NEDD1: variants seen among roughly 807,000 people sequenced by gnomAD.
The protein encoded by NEDD1 is NEDD1 gamma-tubulin ring complex targeting factor, also known as protein NEDD1.
Under a neutral mutation model 74.0 loss-of-function variants are expected in NEDD1, and 33 were observed. That is an observed-to-expected ratio of 0.45 (90% CI 0.34 to 0.60). The LOEUF (loss-of-function observed/expected upper bound fraction) is 0.60. Among genes scored for constraint, NEDD1 ranks in the 20% least tolerant of loss-of-function variants. NEDD1 has a pLI of 0.01. For synonymous variants in NEDD1, 250 were observed against 264.4 expected, an observed-to-expected ratio of 0.95 and a Z score of 0.53; for missense variants, 746 against 776.5, an observed-to-expected ratio of 0.96 and a Z score of 0.47.
intron 6 of NEDD1, among the ~76,000 whole-genome samples, chr12:96,932,459 A>ATATATATATATAT (rs1471701288): frequency 1.4e-3 from 17 of 12,062 alleles, no homozygotes; most frequent in South Asian, 7.2e-3. Context: ...AAAAAAAAAA[A>ATATATATATATAT]AAAAATATAT....
In NEDD1 at chr12:96,937,215, C is replaced by T. The variant is rs1439688459; in HGVS notation, c.939C>T (p.Gly313=). 6.3e-7 allele frequency: 1 copy of T among 1,596,082 alleles called. No individual in the cohort carries two copies. The highest frequency in any genetic ancestry group is 8.5e-7 in the Non-Finnish European group (1 of 1,170,540). ...CATTTCAGTCAAGTTTAAATAAAGG[C>T]TGTTCAAATAAGCCCACAACAGTGA... ...TVLTKSSLNK[G]CSNKPTTVNK... The change falls in exon 9 of 16, where the codon GGC becomes GGT. Residue 313 remains glycine, a synonymous_variant. Transcript: ENST00000266742.
In NEDD1 at chr12:96,949,671, T is replaced by A. The variant is rs369353365; in HGVS notation, c.1812-1761T>A. 5.3e-5 allele frequency among the ~76,000 whole-genome samples: 8 copies of A among 152,086 alleles called. No homozygotes were observed. The South Asian group carries it at 1.7e-3, about 32-fold the overall frequency. On this transcript the variant is annotated intron_variant, in intron 14 of 15. Coordinates refer to ENST00000266742, the MANE Select transcript of NEDD1 (RefSeq NM_152905.4). ...ATACACTTAATTATTAAAGTATAATTAAGATATATAGCATGGCACAGGGAT... is the reference window on the plus strand; with the variant it reads ...ATACACTTAATTATTAAAGTATAATAAAGATATATAGCATGGCACAGGGAT...
chr12:96,919,313 G>A (rs1317603112), intron 5 of NEDD1, among the ~76,000 whole-genome samples: 4 of 152,170 alleles, frequency 2.6e-5, no homozygotes, highest in South Asian at 4.1e-4. Flanking sequence ...TAGCAGTTAC[G>A]TGAGCTTGCG....
At position 96,943,620 on chromosome 12, in the gene NEDD1, C is replaced by A; in HGVS notation, c.1355C>A (p.Ser452Ter). 6.2e-7 allele frequency: 1 copy of A among 1,612,760 alleles called. No individual in the cohort carries two copies. Among genetic ancestry groups the A allele is most frequent in the East Asian group, 2.2e-5 (1 of 44,834 alleles). Reference protein sequence around the residue: ...VFPPRKNPVTSSTSVLHSSPL... With the variant: ...VFPPRKNPVT ...CCTCCAAGAAAAAATCCAGTAACTT[C>A]AAGTACTTCAGTATTGCATTCTAGT... is the stretch of plus-strand genomic sequence containing the variant. Residue 452 changes from serine to a stop codon, truncating the protein, a stop_gained, in exon 12 of 16, where the codon TCA becomes TAA. Transcript: ENST00000266742. LOFTEE classifies it high-confidence loss of function.
At chr12:96,925,731 A>G (rs1204952287) in intron 6 of NEDD1, among the ~76,000 whole-genome samples, 3 of 152,222 alleles carry the variant, frequency 2.0e-5, no homozygotes, top group African/African-American at 7.2e-5. Context: ...TGATAACTGC[A>G]CAGGGAACTG....
intron 6 of NEDD1, among the ~76,000 whole-genome samples, chr12:96,930,687 G>A (rs1268312759): frequency 6.6e-6 from 1 of 152,154 alleles, no homozygotes; most frequent in Non-Finnish European, 1.5e-5. Flanking sequence ...CAGAGTGAGT[G>A]AGCCACTCTT....
rs1873464328 is a variant in NEDD1 at position 96,907,641 on chromosome 12, C to T, written c.-224C>T. On this transcript the variant is annotated 5_prime_UTR_variant, in exon 2 of 16. Coordinates refer to ENST00000266742, the MANE Select transcript of NEDD1 (RefSeq NM_152905.4). Reference sequence around the variant, plus strand: ...ATTTTACAGGTTAGCCTCACTTGAGCTGTTGTCCTGCAAGTAAAGTGTATT... The same window carrying T: ...ATTTTACAGGTTAGCCTCACTTGAGTTGTTGTCCTGCAAGTAAAGTGTATT... 6.4e-7 allele frequency: 1 copy of T among 1,550,610 alleles called. No individual in the cohort carries two copies. Among genetic ancestry groups the T allele is most frequent in the Non-Finnish European group, 8.7e-7 (1 of 1,146,052 alleles).
intron 6 of NEDD1, among the ~76,000 whole-genome samples, chr12:96,931,836 C>T (rs375466917): frequency 1.3e-5 from 2 of 151,958 alleles, no homozygotes; most frequent in East Asian, 1.9e-4. Flanking sequence ...TAAAGGATAC[C>T]CCCTCAAAAT....
chr12:96,917,386 G>C (rs2136523409), intron 4 of NEDD1, among the ~76,000 whole-genome samples: 1 of 152,308 alleles, frequency 6.6e-6, no homozygotes, highest in Non-Finnish European at 1.5e-5. Context: ...CCGGTCCACA[G>C]AAGTGAATGC....
chr12:96,944,702 C>T lies in NEDD1; in HGVS notation c.1561C>T (p.Gln521Ter). The T allele has an allele frequency of 6.2e-7, 1 of 1,600,280 alleles. No homozygotes were observed. Among genetic ancestry groups the T allele is most frequent in the African/African-American group, 1.3e-5 (1 of 74,346 alleles). The change falls in exon 13 of 16, where the codon CAA (glutamine) becomes TAA (stop). Residue 521 changes from glutamine (Q) to a stop codon, truncating the protein, a stop_gained. Transcript: ENST00000266742. LOFTEE classifies it high-confidence loss of function. ...GNLNTSPSSN[Q>*]TRNSEKFEKP... is the part of the protein sequence containing the mutation. ...TCTAAATACCTCTCCATCATCTAAC[C>T]AAACAAGAAATTCTGAGAAATTTGA...
intron 3 of NEDD1, among the ~76,000 whole-genome samples, chr12:96,912,253 T>G (rs749889247): frequency 6.6e-6 from 1 of 151,886 alleles, no homozygotes; most frequent in Non-Finnish European, 1.5e-5. Context: ...TGGGAAAATA[T>G]CAGGCCTTTT....
At chr12:96,932,700 T>G (rs1024582982) in intron 6 of NEDD1, among the ~76,000 whole-genome samples, 1 of 150,960 alleles carries the variant, frequency 6.6e-6, no homozygotes, top group Admixed American at 6.6e-5. Context: ...ATGTGGTTAC[T>G]TAAGGGTCTT....
chr12:96,951,116 C>T (rs1356129119), intron 14 of NEDD1, among the ~76,000 whole-genome samples: 1 of 151,762 alleles, frequency 6.6e-6, no homozygotes, highest in African/African-American at 2.4e-5. Flanking sequence ...GGGTTTACAT[C>T]CTAGCTCCAT....
intron 11 of NEDD1, 85 bp from the exon 12 acceptor site, chr12:96,943,475 T>C: frequency 1.2e-6 from 1 of 846,378 alleles, no homozygotes; most frequent in East Asian, 2.4e-5. Context: ...TCTTCCATGT[T>C]AATCTGCCTA....
rs890414153 is a variant in NEDD1, at chr12:96,907,297, A to T, written c.-265A>T. ...GCGGCCCCCTGTTGTGTTGCTGCGG[A>T]GAGGTGAGGTTCCGGAGGCCCTGAG... On this transcript the variant is annotated 5_prime_UTR_variant, in exon 1 of 16. Transcript: ENST00000266742. 1 of 300,780 alleles carries T rather than the reference A, an allele frequency of 3.3e-6. No homozygotes were observed. Among genetic ancestry groups the T allele is most frequent in the Non-Finnish European group, 6.1e-6 (1 of 165,156 alleles). 18.6% of individuals were successfully genotyped at this position (300,780 alleles called of 1,614,324 possible).
intron 9 of NEDD1, among the ~76,000 whole-genome samples, chr12:96,939,255 A>G (rs922607047): frequency 1.3e-5 from 2 of 152,064 alleles, no homozygotes; most frequent in Non-Finnish European, 2.9e-5. Flanking sequence ...GAAGAAAAGA[A>G]TAAGACTTTA....
chr12:96,907,746 AC>A lies in NEDD1; in HGVS notation c.-116del. ...TGGTTCCTGTAGCCGCTGTCCCTAA[AC>A]CCAGGCCGACGTTACCGCCTTGTGT... On this transcript the variant is annotated 5_prime_UTR_variant, in exon 2 of 16. Coordinates refer to ENST00000266742, the MANE Select transcript of NEDD1 (RefSeq NM_152905.4). The A allele has an allele frequency of 6.5e-7, 1 of 1,540,552 alleles. No homozygotes were observed. The highest frequency in any genetic ancestry group is 1.2e-5 in the South Asian group (1 of 83,176).
intron 6 of NEDD1, among the ~76,000 whole-genome samples, chr12:96,931,038 A>C (rs1040108470): frequency 6.6e-6 from 1 of 152,178 alleles, no homozygotes; most frequent in African/African-American, 2.4e-5. Flanking sequence ...GAAATGGGAT[A>C]ACTATGTAGT....
At chr12:96,928,270 A>C (rs916310830) in intron 6 of NEDD1, among the ~76,000 whole-genome samples, 1 of 152,184 alleles carries the variant, frequency 6.6e-6, no homozygotes, top group African/African-American at 2.4e-5. Context: ...CTTCATAACC[A>C]TAATTTTTAA....
Sources: allele counts gnomAD v4.1 joint callset (sites outside exome capture counted in the v4.1 genomes callset), GRCh38; gene constraint gnomAD v4.1.1; transcripts MANE v1.5; gene names NCBI Gene and HGNC (gene_info 2026-07-23, HGNC 2026-07-21).